RFX3: variants seen among roughly 807,000 people sequenced by gnomAD.
RFX3 encodes regulatory factor X3.
In RFX3, 14 loss-of-function variants were observed where a neutral mutation model predicts 98.6. The ratio of observed to expected loss-of-function variants is 0.14; its 90% CI spans 0.09 to 0.22. The LOEUF is 0.22. Ranked by LOEUF, RFX3 falls within the 10% of genes least tolerant of loss-of-function variation. The pLI is 1.00. For missense variants in RFX3, 639 were observed against 926.9 expected, an observed-to-expected ratio of 0.69 and a Z score of 4.03; for synonymous variants, 383 against 328.4, an observed-to-expected ratio of 1.17 and a Z score of -1.80.
At chr9:3,456,473 G>T (rs1376746965) in intron 1 of RFX3, among the ~76,000 whole-genome samples, 1 of 151,822 alleles carries the variant, frequency 6.6e-6, no homozygotes, top group African/African-American at 2.4e-5. Context: ...TTTGCTCCCA[G>T]CTTTATGTGA....
At chr9:3,369,310 G>A (rs913499412) in intron 2 of RFX3, among the ~76,000 whole-genome samples, 1 of 152,142 alleles carries the variant, frequency 6.6e-6, no homozygotes, top group Non-Finnish European at 1.5e-5. Context: ...ATGTCCTCAC[G>A]TGGATGGAGA....
intron 9 of RFX3, among the ~76,000 whole-genome samples, chr9:3,273,814 G>A (rs866767133): frequency 6.7e-6 from 1 of 148,908 alleles, no homozygotes; most frequent in Admixed American, 6.7e-5. Context: ...GCAGTGAGCC[G>A]AGATCGCACT....
chr9:3,457,139 C>CAAAAAAAAA (rs1169959832), intron 1 of RFX3, among the ~76,000 whole-genome samples: 14 of 22,812 alleles, frequency 6.1e-4, no homozygotes, highest in African/African-American at 8.6e-4. Flanking sequence ...GACTCCATCT[C>CAAAAAAAAA]AAAAAAAAAA....
chr9:3,379,339 ATAT>A (rs1417531387), intron 2 of RFX3, among the ~76,000 whole-genome samples: 1 of 152,236 alleles, frequency 6.6e-6, no homozygotes, highest in East Asian at 1.9e-4. Context: ...CCTCCACAAA[ATAT>A]TATTAAAACA....
chr9:3,346,831 C>A (rs1343873975), intron 2 of RFX3, 67 bp from the exon 3 acceptor site: 43 of 952,874 alleles, frequency 4.5e-5, no homozygotes, highest in Non-Finnish European at 6.7e-5. Flanking sequence ...AGCATTAGAT[C>A]TATCTCAAAG....
intron 3 of RFX3, among the ~76,000 whole-genome samples, chr9:3,340,435 G>C (rs1207392697): frequency 2.6e-5 from 4 of 152,120 alleles, no homozygotes; most frequent in Non-Finnish European, 5.9e-5. Flanking sequence ...CTTCTGCACA[G>C]CAAAAGAAAC....
intron 1 of RFX3, among the ~76,000 whole-genome samples, chr9:3,504,632 C>CCATATGGTATATATTGT (rs1564184517): frequency 7.9e-3 from 63 of 8,022 alleles, no homozygotes; most frequent in African/African-American, 0.011. Context: ...GTATATATTG[C>CCATATGGTATATATTGT]ATATAAAATA....
intron 1 of RFX3, among the ~76,000 whole-genome samples, chr9:3,465,213 T>C (rs1018565581): frequency 6.6e-6 from 1 of 152,280 alleles, no homozygotes; most frequent in South Asian, 2.1e-4. Context: ...TCTTAGTATC[T>C]CACTTCTAAC....
intron 7 of RFX3, 35 bp from the exon 8 acceptor site, chr9:3,277,496 A>C (rs894007076): frequency 6.3e-7 from 1 of 1,592,706 alleles, no homozygotes; most frequent in African/African-American, 1.3e-5. Context: ...CAAATAAACC[A>C]AATTATTCCT....
intron 1 of RFX3, among the ~76,000 whole-genome samples, chr9:3,521,890 C>T (rs1818749155): frequency 6.6e-6 from 1 of 152,056 alleles, no homozygotes; most frequent in East Asian, 1.9e-4. Flanking sequence ...TTCCTGTGTA[C>T]TTTTTCTGGA....
chr9:3,241,493 C>A (rs901891061), intron 15 of RFX3, among the ~76,000 whole-genome samples: 2 of 152,074 alleles, frequency 1.3e-5, no homozygotes, highest in African/African-American at 4.8e-5. Context: ...GAGAAAGAAC[C>A]GCAGCCCTGG....
intron 1 of RFX3, chr9:3,488,982 T>G: frequency 1.5e-6 from 1 of 650,076 alleles, no homozygotes; most frequent in Non-Finnish European, 1.9e-6. Context: ...CATCACATCT[T>G]TGATTGAAAC....
intron 2 of RFX3, among the ~76,000 whole-genome samples, chr9:3,382,550 G>C (rs1027431596): frequency 1.3e-5 from 2 of 152,070 alleles, no homozygotes; most frequent in African/African-American, 4.8e-5. Flanking sequence ...TTTTAGTTTA[G>C]TACCTGATTT....
At chr9:3,360,264 T>G (rs965861123) in intron 2 of RFX3, among the ~76,000 whole-genome samples, 2 of 151,906 alleles carry the variant, frequency 1.3e-5, no homozygotes, top group Admixed American at 1.3e-4. Context: ...TTTCACTACT[T>G]TAAAATTAAA....
intron 2 of RFX3, among the ~76,000 whole-genome samples, chr9:3,359,727 TGTGTATTTTTTTAA>T: frequency 6.6e-6 from 1 of 152,130 alleles, no homozygotes; most frequent in Admixed American, 6.6e-5. Flanking sequence ...TAAATGGGGA[TGTGTATTTTTTTAA>T]ATAATGAAAA....
At chr9:3,297,707 C>T (rs1314662639) in intron 5 of RFX3, among the ~76,000 whole-genome samples, 5 of 151,860 alleles carry the variant, frequency 3.3e-5, no homozygotes, top group Admixed American at 6.6e-5. Flanking sequence ...CAAGGTTTTG[C>T]TTTGAGCTAA....
At chr9:3,417,480 A>G (rs1458999308) in intron 1 of RFX3, among the ~76,000 whole-genome samples, 1 of 152,158 alleles carries the variant, frequency 6.6e-6, no homozygotes, top group South Asian at 2.1e-4. Flanking sequence ...AGTAATTTGT[A>G]TGATCACAAA....
chr9:3,477,444 G>A (rs918531333), intron 1 of RFX3, among the ~76,000 whole-genome samples: 4 of 152,134 alleles, frequency 2.6e-5, no homozygotes, highest in African/African-American at 9.7e-5. Context: ...TTGAAGAAAA[G>A]TTTAGCTAAA....
intron 1 of RFX3, among the ~76,000 whole-genome samples, chr9:3,483,345 A>C (rs1849969922): frequency 4.6e-5 from 7 of 152,226 alleles, no homozygotes; most frequent in Admixed American, 3.3e-4. Context: ...ATCTATAATA[A>C]CAATAGTGTC....
Sources: allele counts gnomAD v4.1 joint callset (sites outside exome capture counted in the v4.1 genomes callset), GRCh38; gene constraint gnomAD v4.1.1; transcripts MANE v1.5; gene names NCBI Gene and HGNC (gene_info 2026-07-23, HGNC 2026-07-21).